Variants in PDE8A observed in about 807,000 individuals in gnomAD.
PDE8A encodes high affinity cAMP-specific and IBMX-insensitive 3',5'-cyclic phosphodiesterase 8A.
A neutral mutation model predicts 105.0 loss-of-function variants in PDE8A; 59 were observed. That is an observed-to-expected ratio of 0.56 (90% CI 0.46 to 0.70). The LOEUF (loss-of-function observed/expected upper bound fraction) is 0.70. PDE8A is among the 30% of genes least tolerant of loss of function. The probability of loss-of-function intolerance (pLI) is 0.00; values close to 1 mark genes in which losing one functional copy is unlikely to be tolerated. For missense variants in PDE8A, 1,014 were observed against 1,045.9 expected, an observed-to-expected ratio of 0.97 and a Z score of 0.42; for synonymous variants, 355 against 371.9, an observed-to-expected ratio of 0.95 and a Z score of 0.52.
rs780415216 is a variant in PDE8A, at chr15:85,089,398, C to T, written c.696C>T (p.Ser232=). 15 of 1,583,448 alleles carry T rather than the reference C, an allele frequency of 9.5e-6. 1 individual carries two copies. The highest frequency in any genetic ancestry group is 6.7e-5 in the South Asian group (6 of 89,236). ...ENSEDAIEIT[S]EDRFIQYANP... ...GTGAAGATGCAATTGAAATTACAAG[C>T]GAAGACCGTTTTATACAGGTTTGTT... Residue 232 remains serine (S), a synonymous_variant, in exon 7 of 22, where the codon AGC becomes AGT. Transcript: ENST00000394553.
chr15:85,095,518 A>T (rs906367912), intron 8 of PDE8A, among the ~76,000 whole-genome samples: 1 of 151,504 alleles, frequency 6.6e-6, no homozygotes, highest in Non-Finnish European at 1.5e-5. Context: ...TAATTTTTGT[A>T]CTTTTAGCAG....
chr15:84,992,193 G>C (rs1240570221), intron 1 of PDE8A, among the ~76,000 whole-genome samples: 1 of 152,140 alleles, frequency 6.6e-6, no homozygotes, highest in African/African-American at 2.4e-5. Context: ...AGGTGGGGTA[G>C]GTCTCTGACC....
chr15:85,119,134 A>G (rs1383215629), intron 17 of PDE8A, among the ~76,000 whole-genome samples: 1 of 152,112 alleles, frequency 6.6e-6, no homozygotes, highest in Non-Finnish European at 1.5e-5. Flanking sequence ...AAACTACTCT[A>G]TAGACAACAT....
At chr15:84,988,842 T>C (rs2079843681) in intron 1 of PDE8A, among the ~76,000 whole-genome samples, 1 of 152,242 alleles carries the variant, frequency 6.6e-6, no homozygotes, top group South Asian at 2.1e-4. Flanking sequence ...CACTGTGTCC[T>C]AGTTTCCTTA....
In PDE8A at chr15:85,113,363, C is replaced by T. The variant is rs1415205199; in HGVS notation, c.1115-14C>T. ...GTTGTGCATGCCCTGATTTGTGCATCCCTTTCTCCACAGTTTCCAGCCAGA... is the reference window on the plus strand; with the variant it reads ...GTTGTGCATGCCCTGATTTGTGCATTCCTTTCTCCACAGTTTCCAGCCAGA... On this transcript the variant is annotated splice_polypyrimidine_tract_variant and intron_variant, in intron 12 of 21. Coordinates refer to ENST00000394553, the MANE Select transcript of PDE8A (RefSeq NM_002605.3). The T allele has an allele frequency of 1.9e-6, 3 of 1,612,100 alleles. No homozygotes were observed. Among genetic ancestry groups the T allele is most frequent in the Non-Finnish European group, 2.5e-6 (3 of 1,178,164 alleles).
Position 85,117,824 on chromosome 15 carries a change from C to A in PDE8A, c.1719C>A (p.Ser573=). 1 of 1,613,388 alleles carries A rather than the reference C, an allele frequency of 6.2e-7. No individual in the cohort carries two copies. Among genetic ancestry groups the A allele is most frequent in the Non-Finnish European group, 8.5e-7 (1 of 1,179,428 alleles). Residue 573 remains serine, a synonymous_variant, in exon 17 of 22, where the codon TCC becomes TCA. Transcript: ENST00000394553. ...DVLHATAYFL[S]KERIKETLDP... is the part of the protein sequence containing the mutation. ...TTCATGCCACTGCCTATTTTCTCTC[C>A]AAGGAGAGGATAAAGGTGAGCTGTT... is the stretch of plus-strand genomic sequence containing the variant.
chr15:85,135,616 C>T (rs540572743), intron 20 of PDE8A, among the ~76,000 whole-genome samples: 3 of 152,250 alleles, frequency 2.0e-5, no homozygotes, highest in South Asian at 4.1e-4. Flanking sequence ...GCAGCGATTC[C>T]GGTTGCACAT....
rs556590116 is a variant in PDE8A, at chr15:85,018,891, G to T, written c.186+36543G>T. ...GCTCTTGGATCATTTTTACTTTGGGGTGTAAGTACCATTTACATTAAGGTT... is the reference window on the plus strand; with the variant it reads ...GCTCTTGGATCATTTTTACTTTGGGTTGTAAGTACCATTTACATTAAGGTT... On this transcript the variant is annotated intron_variant, in intron 1 of 21. Coordinates refer to ENST00000394553, the MANE Select transcript of PDE8A (RefSeq NM_002605.3). Among the ~76,000 whole-genome samples, 3 of 152,240 alleles carry T rather than the reference G, an allele frequency of 2.0e-5. No homozygotes were observed. The East Asian group carries it at 5.8e-4, about 29-fold the overall frequency.
At chr15:85,080,952 C>T (rs1489902908) in intron 5 of PDE8A, among the ~76,000 whole-genome samples, 1 of 152,186 alleles carries the variant, frequency 6.6e-6, no homozygotes, top group Non-Finnish European at 1.5e-5. Flanking sequence ...GTGGCAGGCT[C>T]TCCATTTTGT....
At chr15:84,983,467 T>C (rs944021764) in intron 1 of PDE8A, among the ~76,000 whole-genome samples, 7 of 152,244 alleles carry the variant, frequency 4.6e-5, no homozygotes, top group African/African-American at 1.2e-4. Context: ...CATGATACTT[T>C]TTCTGTACGA....
intron 1 of PDE8A, among the ~76,000 whole-genome samples, chr15:85,049,057 G>A (rs558926119): frequency 6.6e-6 from 1 of 152,042 alleles, no homozygotes; most frequent in African/African-American, 2.4e-5. Flanking sequence ...AGCTGAGATC[G>A]CGCCACTGCA....
At chr15:85,024,727 G>A (rs1330989230) in intron 1 of PDE8A, among the ~76,000 whole-genome samples, 1 of 152,066 alleles carries the variant, frequency 6.6e-6, no homozygotes. Context: ...TTCCCCTATT[G>A]ACTCTTACTG....
chr15:85,115,945 T>C, intron 15 of PDE8A, 39 bp from the exon 16 acceptor site: 1 of 1,568,060 alleles, frequency 6.4e-7, no homozygotes, highest in Non-Finnish European at 8.7e-7. Context: ...AGTTAATCCT[T>C]TAAAGCCTAT....
chr15:85,027,347 C>A (rs2080534536), intron 1 of PDE8A, among the ~76,000 whole-genome samples: 1 of 152,122 alleles, frequency 6.6e-6, no homozygotes, highest in African/African-American at 2.4e-5. Context: ...CATCTGGAAG[C>A]CCAAGAACTA....
intron 1 of PDE8A, 197 bp from the exon 2 acceptor site, chr15:85,064,173 C>T (rs2081186654): frequency 6.1e-6 from 3 of 495,722 alleles, no homozygotes; most frequent in African/African-American, 2.0e-5. Context: ...TTTCTCCTTT[C>T]CTGCTCCCCA....
chr15:85,031,668 A>G (rs1567238693), intron 1 of PDE8A, among the ~76,000 whole-genome samples: 1 of 152,214 alleles, frequency 6.6e-6, no homozygotes, highest in Non-Finnish European at 1.5e-5. Flanking sequence ...CCAAATCTAT[A>G]ATTAGGAATA....
At chr15:85,056,230 C>G (rs551833938) in intron 1 of PDE8A, among the ~76,000 whole-genome samples, 1 of 152,208 alleles carries the variant, frequency 6.6e-6, no homozygotes, top group South Asian at 2.1e-4. Flanking sequence ...TTCTCTCTGG[C>G]TGCCCTTAAC....
chr15:85,111,295 T>A (rs550611269), intron 12 of PDE8A, among the ~76,000 whole-genome samples: 1 of 152,334 alleles, frequency 6.6e-6, no homozygotes, highest in Non-Finnish European at 1.5e-5. Flanking sequence ...TCGTTCTTTA[T>A]CCCAAGATCG....
chr15:85,086,168 C>T (rs1381952051), intron 6 of PDE8A, among the ~76,000 whole-genome samples: 3 of 152,074 alleles, frequency 2.0e-5, no homozygotes, highest in South Asian at 2.1e-4. Context: ...ATGTCCTACC[C>T]GCAAAATGAA....
Sources: allele counts gnomAD v4.1 joint callset (sites outside exome capture counted in the v4.1 genomes callset), GRCh38; gene constraint gnomAD v4.1.1; transcripts MANE v1.5; gene names NCBI Gene and HGNC (gene_info 2026-07-23, HGNC 2026-07-21).